The following WDR27 variants were observed in gnomAD, a reference collection of about 807,000 sequenced individuals.
The protein encoded by WDR27 is WD repeat domain 27, also known as WD repeat-containing protein 27.
A neutral mutation model predicts 114.4 loss-of-function variants in WDR27; 100 were observed. The observed-to-expected ratio is 0.87, with a 90% CI of 0.74 to 1.03. WDR27 has a LOEUF of 1.03. Ranked by LOEUF, WDR27 falls within the 50% of genes least tolerant of loss-of-function variation. The pLI, the probability that WDR27 is intolerant of heterozygous loss-of-function variation, is 0.00. For synonymous variants in WDR27, 449 were observed against 423.1 expected (o/e 1.06, Z -0.75); for missense variants, 1,129 against 1,092.9 (o/e 1.03, Z -0.47).
chr6:169,568,337 T>C lies in WDR27; in HGVS notation c.2645+4082A>G, dbSNP rs530014427. Among the ~76,000 whole-genome samples, 397 of 152,146 alleles carry C rather than the reference T, an allele frequency of 2.6e-3. 2 individuals are homozygous for C. Among genetic ancestry groups the C allele is most frequent in the Non-Finnish European group, 4.4e-3 (296 of 67,996 alleles). On this transcript the variant is annotated intron_variant, in intron 25 of 25. Coordinates refer to ENST00000448612, the MANE Select transcript of WDR27 (RefSeq NM_182552.5). ...TCTGAAGGAAAAAAAACATTTCTTA[T>C]AACATACTTGCTCCACATCTAGTAC...
At chr6:169,628,148 T>C (rs1323199618) in intron 21 of WDR27, among the ~76,000 whole-genome samples, 1 of 152,020 alleles carries the variant, frequency 6.6e-6, no homozygotes, top group Non-Finnish European at 1.5e-5. Context: ...TGAATGCCCT[T>C]ATGAGGGAGG....
intron 6 of WDR27, chr6:169,666,913 A>C (rs1395067064): frequency 1.0e-6 from 1 of 985,364 alleles, no homozygotes; most frequent in Non-Finnish European, 1.2e-6. Flanking sequence ...AGAAAGGCCC[A>C]GACTCCAAGC....
At chr6:169,546,683 C>G (rs919637601) in intron 25 of WDR27, among the ~76,000 whole-genome samples, 1 of 152,126 alleles carries the variant, frequency 6.6e-6, no homozygotes, top group Non-Finnish European at 1.5e-5. Context: ...TTCCACAGCT[C>G]AAGCAAAGCT....
At chr6:169,502,521 A>G (rs1791436803) in intron 25 of WDR27, among the ~76,000 whole-genome samples, 1 of 152,214 alleles carries the variant, frequency 6.6e-6, no homozygotes, top group South Asian at 2.1e-4. Context: ...GGCTAAGATC[A>G]AGTAGCAAAG....
intron 23 of WDR27, among the ~76,000 whole-genome samples, chr6:169,595,630 C>T (rs1806631057): frequency 6.6e-6 from 1 of 152,150 alleles, no homozygotes; most frequent in Non-Finnish European, 1.5e-5. Context: ...TCACATCTCC[C>T]AGTTTTGTAC....
chr6:169,662,211 A>C, intron 9 of WDR27, 93 bp downstream of exon 9: 1 of 1,464,058 alleles, frequency 6.8e-7, no homozygotes, highest in Non-Finnish European at 9.3e-7. Flanking sequence ...ATTTGGTTTT[A>C]TCTCAGTCAT....
intron 25 of WDR27, among the ~76,000 whole-genome samples, chr6:169,537,496 A>G (rs559554690): frequency 6.6e-6 from 1 of 152,330 alleles, no homozygotes; most frequent in African/African-American, 2.4e-5. Flanking sequence ...CCAAACTCCC[A>G]AAGTGGAAGA....
intron 13 of WDR27, among the ~76,000 whole-genome samples, chr6:169,657,491 G>A (rs1824561535): frequency 6.6e-6 from 1 of 152,182 alleles, no homozygotes; most frequent in Non-Finnish European, 1.5e-5. Flanking sequence ...TGGGAGGTGA[G>A]GCCCAGCAGT....
At chr6:169,585,602 T>A (rs1033797638) in intron 23 of WDR27, among the ~76,000 whole-genome samples, 3 of 152,210 alleles carry the variant, frequency 2.0e-5, no homozygotes, top group African/African-American at 7.2e-5. Context: ...AATTACCATA[T>A]ATTTCATATG....
In WDR27 at chr6:169,498,722, CATATT is replaced by C. The variant is rs1217771239; in HGVS notation, c.2646-41093_2646-41089del. On this transcript the variant is annotated intron_variant, in intron 25 of 25. Coordinates refer to ENST00000448612, the MANE Select transcript of WDR27 (RefSeq NM_182552.5). ...GAGAAGACGTGAAGTGAAAATAGCC[CATATT>C]AAAAGGTTACATAGTGTATGATTCC... is the stretch of plus-strand genomic sequence containing the variant. Among the ~76,000 whole-genome samples, 5 of 152,174 alleles carry C rather than the reference CATATT, an allele frequency of 3.3e-5. No homozygotes were observed. The East Asian group carries it at 9.7e-4, about 29-fold the overall frequency.
At chr6:169,670,515 G>C in intron 4 of WDR27, 54 bp downstream of exon 4, 1 of 1,608,040 alleles carries the variant, frequency 6.2e-7, no homozygotes, top group African/African-American at 1.3e-5. Context: ...CCAGAACCTG[G>C]GAGGCCCCAT....
rs376103162 is a variant in WDR27 at position 169,517,293 on chromosome 6, C to A, written c.2645+55126G>T. Among the ~76,000 whole-genome samples, 41 of 152,316 alleles carry A rather than the reference C, an allele frequency of 2.7e-4. No individual in the cohort carries two copies. In the East Asian group the frequency reaches 7.5e-3, roughly 28 times the overall value. On this transcript the variant is annotated intron_variant, in intron 25 of 25. Transcript: ENST00000448612. Reference sequence around the variant, plus strand: ...CCCAGAAGCTGAGCAGATACCAGCACCATGCTTCCTGTAAAGCCTGCGGAA... The same window carrying A: ...CCCAGAAGCTGAGCAGATACCAGCAACATGCTTCCTGTAAAGCCTGCGGAA...
chr6:169,555,530 C>G (rs1184765561), intron 25 of WDR27, among the ~76,000 whole-genome samples: 1 of 152,050 alleles, frequency 6.6e-6, no homozygotes, highest in African/African-American at 2.4e-5. Flanking sequence ...CACAAAAATT[C>G]TTAGGGGAAA....
At position 169,518,225 on chromosome 6, in the gene WDR27, C is replaced by T. The variant is rs535059944; in HGVS notation, c.2645+54194G>A. The stretch of plus-strand genomic sequence containing the variant: ...GGGGTCTAGAGGGCAGCACCCCATT[C>T]CCACAGCTCCACTAAGCAGAGCCCT... On this transcript the variant is annotated intron_variant, in intron 25 of 25. Coordinates refer to ENST00000448612, the MANE Select transcript of WDR27 (RefSeq NM_182552.5). 1.3e-4 allele frequency among the ~76,000 whole-genome samples: 20 copies of T among 152,322 alleles called. No homozygotes were observed. In the South Asian group the frequency reaches 3.3e-3, roughly 25 times the overall value.
intron 21 of WDR27, among the ~76,000 whole-genome samples, chr6:169,618,287 AT>A (rs1435162467): frequency 3.3e-5 from 5 of 152,228 alleles, no homozygotes; most frequent in Non-Finnish European, 7.3e-5. Context: ...GTCTAGTATT[AT>A]GTATTTATAT....
chr6:169,665,194 T>C, intron 7 of WDR27: 2 of 1,146,242 alleles, frequency 1.7e-6, no homozygotes, highest in East Asian at 9.7e-5. Context: ...AGCCCTCTTC[T>C]CAGCAGGTTT....
intron 21 of WDR27, among the ~76,000 whole-genome samples, chr6:169,631,260 T>G (rs1816269897): frequency 6.6e-6 from 1 of 152,194 alleles, no homozygotes; most frequent in African/African-American, 2.4e-5. Context: ...ACATGTTTGC[T>G]CTGGTTTATA....
At chr6:169,588,414 T>C (rs540379892) in intron 23 of WDR27, among the ~76,000 whole-genome samples, 2 of 152,366 alleles carry the variant, frequency 1.3e-5, no homozygotes, top group South Asian at 2.1e-4. Flanking sequence ...TCATGACATA[T>C]GTTTTTAATT....
chr6:169,617,246 C>T (rs572351268), intron 21 of WDR27, among the ~76,000 whole-genome samples: 7 of 152,254 alleles, frequency 4.6e-5, no homozygotes, highest in Non-Finnish European at 8.8e-5. Flanking sequence ...AGGGAAAAGC[C>T]GGCATGTGGT....
Sources: gnomAD v4.1 joint callset for allele counts (sites outside exome capture counted in the v4.1 genomes callset) on GRCh38, gnomAD v4.1.1 for gene constraint, MANE v1.5 for transcripts, NCBI Gene and HGNC (gene_info 2026-07-23, HGNC 2026-07-21) for gene names.